The following OXSR1 variants were observed in gnomAD, a reference collection of about 807,000 sequenced individuals.
OXSR1 encodes the protein serine/threonine-protein kinase OSR1.
OXSR1 carries 24 observed loss-of-function variants against 79.8 expected under a neutral mutation model. The ratio of observed to expected loss-of-function variants is 0.30; its 90% CI spans 0.22 to 0.42. The LOEUF is 0.42. Ranked by LOEUF, OXSR1 falls within the 10% of genes least tolerant of loss-of-function variation. The pLI is 1.00. For missense variants in OXSR1, 430 were observed against 618.4 expected, an observed-to-expected ratio of 0.70 and a Z score of 3.23; for synonymous variants, 226 against 209.2, an observed-to-expected ratio of 1.08 and a Z score of -0.69.
chr3:38,189,133 T>A (rs1701938468), intron 2 of OXSR1, among the ~76,000 whole-genome samples: 1 of 152,198 alleles, frequency 6.6e-6, no homozygotes, highest in Non-Finnish European at 1.5e-5. Flanking sequence ...CTCCCTATCC[T>A]ATAGAATTAA....
intron 1 of OXSR1, among the ~76,000 whole-genome samples, chr3:38,180,572 C>G (rs1004255574): frequency 1.4e-4 from 20 of 140,260 alleles, no homozygotes; most frequent in African/African-American, 5.4e-4. Flanking sequence ...CACTGTGTCT[C>G]CCAGGCTGGA....
At chr3:38,214,541 G>C (rs895765723) in intron 4 of OXSR1, among the ~76,000 whole-genome samples, 5 of 152,208 alleles carry the variant, frequency 3.3e-5, no homozygotes, top group African/African-American at 1.2e-4. Context: ...AAGGGAGTTG[G>C]AAGTTAGTGG....
intron 4 of OXSR1, among the ~76,000 whole-genome samples, chr3:38,212,633 G>A (rs945422915): frequency 6.6e-6 from 1 of 152,178 alleles, no homozygotes; most frequent in Non-Finnish European, 1.5e-5. Context: ...AGAAACTTGT[G>A]TTCTGTATTA....
At chr3:38,230,798 G>T (rs1702789392) in intron 10 of OXSR1, 1 of 186,812 alleles carries the variant, frequency 5.4e-6, no homozygotes, top group Non-Finnish European at 1.1e-5. Flanking sequence ...TTTACAGAAA[G>T]ACTGAAAGAA....
chr3:38,231,452 T>C (rs974233818), intron 10 of OXSR1, among the ~76,000 whole-genome samples: 1 of 152,174 alleles, frequency 6.6e-6, no homozygotes, highest in Non-Finnish European at 1.5e-5. Context: ...AAAAACTCAC[T>C]TGGCTCATTC....
At chr3:38,233,197 G>A (rs1413942417) in intron 10 of OXSR1, among the ~76,000 whole-genome samples, 4 of 152,170 alleles carry the variant, frequency 2.6e-5, no homozygotes, top group African/African-American at 9.7e-5. Flanking sequence ...ACTGAAAAGG[G>A]CATTTAAGTA....
chr3:38,203,510 A>AT (rs1165392824), intron 4 of OXSR1, among the ~76,000 whole-genome samples: 1 of 152,182 alleles, frequency 6.6e-6, no homozygotes, highest in African/African-American at 2.4e-5. Context: ...CACCTGGTTA[A>AT]TTTAAAAAAA....
chr3:38,244,892 G>C (rs993447887), intron 12 of OXSR1, among the ~76,000 whole-genome samples: 10 of 152,076 alleles, frequency 6.6e-5, no homozygotes, highest in Non-Finnish European at 8.8e-5. Context: ...CATAGAGGCT[G>C]CACCATTTTA....
chr3:38,180,525 C>CTTTTT (rs35081111), intron 1 of OXSR1, among the ~76,000 whole-genome samples: 13 of 108,964 alleles, frequency 1.2e-4, no homozygotes, highest in Non-Finnish European at 1.5e-4. Context: ...ATAGCTCCAA[C>CTTTTT]TTTTTTTTTT....
At chr3:38,169,969 C>T (rs1160608270) in intron 1 of OXSR1, among the ~76,000 whole-genome samples, 3 of 151,570 alleles carry the variant, frequency 2.0e-5, no homozygotes, top group Non-Finnish European at 4.4e-5. Flanking sequence ...ATCGCTCAAG[C>T]GATCTGCCTG....
chr3:38,238,635 C>T (rs778853429), intron 11 of OXSR1, among the ~76,000 whole-genome samples: 4 of 152,040 alleles, frequency 2.6e-5, no homozygotes, highest in Non-Finnish European at 5.9e-5. Context: ...TGTTTCTTCA[C>T]CATCTTCTTG....
At chr3:38,221,263 T>C (rs9845474) in intron 5 of OXSR1, among the ~76,000 whole-genome samples, 22,987 of 151,848 alleles carry the variant, frequency 0.15, 2,394 homozygotes, top group African/African-American at 0.3. Flanking sequence ...TGGAGTGAGG[T>C]ACCTGCTAAG....
chr3:38,220,057 T>G (rs2125834850), intron 5 of OXSR1, among the ~76,000 whole-genome samples: 1 of 152,206 alleles, frequency 6.6e-6, no homozygotes, highest in Admixed American at 6.5e-5. Context: ...TCCTTCTGCC[T>G]CAGCTTCCCA....
In OXSR1 at chr3:38,253,137, C is replaced by T; in HGVS notation, c.*246C>T. The T allele has an allele frequency of 2.0e-6, 1 of 491,436 alleles. No individual in the cohort carries two copies. The highest frequency in any genetic ancestry group is 3.6e-6 in the Non-Finnish European group (1 of 273,988). 30.4% of individuals were successfully genotyped at this position (491,436 alleles called of 1,614,324 possible). ...ACTTACTTCATATGTCCCCTGTCTT[C>T]CTCCATCTGAGAAGTGGCCCATGTG... is the stretch of plus-strand genomic sequence containing the variant. On this transcript the variant is annotated 3_prime_UTR_variant, in exon 18 of 18. Transcript: ENST00000311806.
chr3:38,229,663 T>C lies in OXSR1; in HGVS notation c.837-24T>C, dbSNP rs561211147. ...CACTTGAATTAATTATAAAAACTTTTCTTCCCTCCCTTCCTGGTTTTAGAC... is the reference window on the plus strand; with the variant it reads ...CACTTGAATTAATTATAAAAACTTTCCTTCCCTCCCTTCCTGGTTTTAGAC... On this transcript the variant is annotated intron_variant, in intron 8 of 17. Transcript: ENST00000311806. 1.1e-4 allele frequency: 181 copies of C among 1,600,258 alleles called. 6 individuals are homozygous for C. In the South Asian group the frequency reaches 1.9e-3, roughly 17 times the overall value.
chr3:38,200,483 T>C (rs1702145444), intron 4 of OXSR1, among the ~76,000 whole-genome samples: 1 of 152,212 alleles, frequency 6.6e-6, no homozygotes, highest in Admixed American at 6.5e-5. Context: ...TTCAGAGTTC[T>C]TTTATGATTG....
chr3:38,228,178 A>G (rs1007320968), intron 8 of OXSR1, among the ~76,000 whole-genome samples: 24 of 152,214 alleles, frequency 1.6e-4, no homozygotes, highest in African/African-American at 5.5e-4. Context: ...CTATCATTCA[A>G]GAATGAGCAT....
chr3:38,176,162 A>G (rs576504830), intron 1 of OXSR1, among the ~76,000 whole-genome samples: 75 of 152,260 alleles, frequency 4.9e-4, no homozygotes, highest in Non-Finnish European at 9.0e-4. Context: ...TGTTTTTGTT[A>G]TGTGCAGTGT....
At chr3:38,166,839 A>G (rs1404188194) in intron 1 of OXSR1, among the ~76,000 whole-genome samples, 2 of 151,774 alleles carry the variant, frequency 1.3e-5, no homozygotes, top group South Asian at 2.1e-4. Context: ...GGCAAGTGCC[A>G]TGAAGGAGAT....
Sources: gnomAD v4.1 joint callset for allele counts (sites outside exome capture counted in the v4.1 genomes callset) on GRCh38, gnomAD v4.1.1 for gene constraint, MANE v1.5 for transcripts, NCBI Gene and HGNC (gene_info 2026-07-23, HGNC 2026-07-21) for gene names.